The following MYH15 variants were observed in gnomAD, a reference collection of about 807,000 sequenced individuals.
The protein encoded by MYH15 is myosin heavy chain 15.
MYH15 carries 227 observed loss-of-function variants against 240.5 expected under a neutral mutation model. The observed-to-expected ratio is 0.94, with a 90% CI of 0.85 to 1.05. The LOEUF is 1.05. Among genes scored for constraint, MYH15 ranks in the 50% least tolerant of loss-of-function variants. The pLI is 0.00. For missense variants in MYH15, 2,217 were observed against 2,247.5 expected, an observed-to-expected ratio of 0.99 and a Z score of 0.27; for synonymous variants, 785 against 796.7, an observed-to-expected ratio of 0.99 and a Z score of 0.25.
At chr3:108,476,231 C>T (rs2083219011) in intron 12 of MYH15, among the ~76,000 whole-genome samples, 166 bp downstream of exon 12, 1 of 152,130 alleles carries the variant, frequency 6.6e-6, no homozygotes, top group Admixed American at 6.6e-5. Flanking sequence ...TGGTGTGCAT[C>T]ACAAGTAAAA....
chr3:108,501,958 T>C lies in MYH15; in HGVS notation c.196-103A>G, dbSNP rs1439458907. The C allele has an allele frequency of 5.4e-6, 7 of 1,292,832 alleles. No individual in the cohort carries two copies. The African/African-American group carries it at 8.8e-5, about 16-fold the overall frequency. The allele number at this position is 1,292,832 out of a possible 1,614,324, so 80.1% of individuals were successfully genotyped here. A position where few individuals can be genotyped will look rare whatever the true frequency, so the allele number is the denominator to read the frequency against. On this transcript the variant is annotated intron_variant, in intron 2 of 40. Transcript: ENST00000693548. ...ATTCAGACTCAAAAAGAAAAAATGA[T>C]GCCTCATTAGGGGATGGGGCCAGAA...
chr3:108,550,245 C>T, the MYH15 span: 1 of 151,348 alleles, frequency 6.6e-6, no homozygotes, highest in Non-Finnish European at 1.5e-5. Flanking sequence ...TTAACCTATG[C>T]TTTAAAATTA....
chr3:108,421,192 G>A lies in MYH15; in HGVS notation c.3725C>T (p.Thr1242Ile). The A allele has an allele frequency of 6.2e-7, 1 of 1,613,344 alleles. No homozygotes were observed. The stretch of plus-strand genomic sequence containing the variant: ...TTCATGCAAGCGCTCTTCATATAGA[G>A]TACAGAGTTTCTCAGCATTTGCCTA... ...RAKANAEKLC[T>I]LYEERLHEAT... The change falls in exon 28 of 41, where the codon ACT (threonine) becomes ATT (isoleucine). Residue 1242 changes from threonine (T) to isoleucine (I), a missense_variant. By Grantham distance (89) the Thr-to-Ile change is moderately conservative (BLOSUM62 -1). Coordinates refer to ENST00000693548, the MANE Select transcript of MYH15 (RefSeq NM_014981.3).
chr3:108,512,545 T>C (rs969424140), upstream of MYH15, among the ~76,000 whole-genome samples: 11 of 152,144 alleles, frequency 7.2e-5, no homozygotes, highest in Non-Finnish European at 1.3e-4. Context: ...TTAATACATG[T>C]GTGTACAAAC....
At chr3:108,427,821 A>T (rs1576227005) in intron 27 of MYH15, among the ~76,000 whole-genome samples, 1 of 152,162 alleles carries the variant, frequency 6.6e-6, no homozygotes, top group East Asian at 1.9e-4. Context: ...TTCCCAGATG[A>T]CTTTATAAAA....
chr3:108,533,077 A>G (rs1463014387), upstream of MYH15, among the ~76,000 whole-genome samples: 1 of 143,492 alleles, frequency 7.0e-6, no homozygotes, highest in East Asian at 2.1e-4. Context: ...TTGTGACTGT[A>G]CTTTCATTTG....
the MYH15 span, among the ~76,000 whole-genome samples, chr3:108,548,295 A>G: frequency 2.0e-5 from 3 of 152,194 alleles, no homozygotes; most frequent in East Asian, 3.8e-4. Flanking sequence ...AGAAAAAGAT[A>G]TATCAGGCCA....
chr3:108,410,318 G>A (rs983139458), intron 31 of MYH15, among the ~76,000 whole-genome samples: 6 of 152,154 alleles, frequency 3.9e-5, no homozygotes, highest in Non-Finnish European at 7.4e-5. Context: ...ATCTTGGTAC[G>A]GTTGTGGATA....
chr3:108,439,182 T>C (rs1267757435), intron 24 of MYH15, among the ~76,000 whole-genome samples: 1 of 152,140 alleles, frequency 6.6e-6, no homozygotes, highest in Non-Finnish European at 1.5e-5. Flanking sequence ...AACCCACACA[T>C]TGAAACTGGT....
intron 39 of MYH15, 121 bp downstream of exon 39, chr3:108,384,566 C>G (rs2082366956): frequency 1.2e-6 from 1 of 811,638 alleles, no homozygotes; most frequent in Non-Finnish European, 1.9e-6. Context: ...TGAGGATGAG[C>G]AGACTCTAAG....
chr3:108,405,559 G>C, intron 32 of MYH15, 106 bp from the exon 33 acceptor site: 1 of 576,034 alleles, frequency 1.7e-6, no homozygotes, highest in Non-Finnish European at 2.8e-6. Context: ...GAGTTACTGG[G>C]AGAGATATAG....
intron 25 of MYH15, among the ~76,000 whole-genome samples, chr3:108,433,960 G>A (rs2082803307): frequency 6.6e-6 from 1 of 151,996 alleles, no homozygotes; most frequent in Non-Finnish European, 1.5e-5. Flanking sequence ...ACATATGTTT[G>A]TGCTTACATG....
chr3:108,452,431 TG>T (rs1348510100), intron 21 of MYH15, among the ~76,000 whole-genome samples: 1 of 152,102 alleles, frequency 6.6e-6, no homozygotes, highest in African/African-American at 2.4e-5. Context: ...TTACTTTAGC[TG>T]GAAAATTGAT....
At chr3:108,468,496 T>C (rs2083141637) in intron 14 of MYH15, among the ~76,000 whole-genome samples, 1 of 152,178 alleles carries the variant, frequency 6.6e-6, no homozygotes, top group South Asian at 2.1e-4. Context: ...ACATAATGGG[T>C]CTTTTCAAAA....
chr3:108,430,821 T>A lies in MYH15; in HGVS notation c.3312+11A>T, dbSNP rs376164516. The A allele has an allele frequency of 3.8e-6, 6 of 1,597,796 alleles. No individual in the cohort carries two copies. Among genetic ancestry groups the A allele is most frequent in the Non-Finnish European group, 5.1e-6 (6 of 1,167,850 alleles). On this transcript the variant is annotated intron_variant, in intron 26 of 40. Transcript: ENST00000693548. Reference sequence around the variant, plus strand: ...AATATAAATACACAGGCATATTTGATAATTGATTACCTGAAGCTCTTTAAC... The same window carrying A: ...AATATAAATACACAGGCATATTTGAAAATTGATTACCTGAAGCTCTTTAAC...
chr3:108,537,408 T>C, the MYH15 span, among the ~76,000 whole-genome samples: 114 of 152,208 alleles, frequency 7.5e-4, no homozygotes, highest in African/African-American at 2.6e-3. Flanking sequence ...TGAAATTTAA[T>C]TGCCAATGTA....
At chr3:108,435,693 CAT>C (rs72262588) in intron 25 of MYH15, among the ~76,000 whole-genome samples, 65,579 of 143,324 alleles carry the variant, frequency 0.46, 15,241 homozygotes, top group African/African-American at 0.59. Context: ...ATTTTATATA[CAT>C]ATATATATAT....
At chr3:108,454,179 G>A in intron 20 of MYH15, 37 bp from the exon 21 acceptor site, 1 of 1,578,450 alleles carries the variant, frequency 6.3e-7, no homozygotes, top group South Asian at 1.1e-5. Context: ...CACTGATAAT[G>A]GGTATTCAGC....
At chr3:108,413,114 A>G (rs2082607020) in intron 30 of MYH15, among the ~76,000 whole-genome samples, 1 of 152,232 alleles carries the variant, frequency 6.6e-6, no homozygotes, top group Admixed American at 6.5e-5. Flanking sequence ...ACAGAATGAT[A>G]GATAGGCAAT....
Sources: gnomAD v4.1 joint callset for allele counts (sites outside exome capture counted in the v4.1 genomes callset) on GRCh38, gnomAD v4.1.1 for gene constraint, MANE v1.5 for transcripts, NCBI Gene and HGNC (gene_info 2026-07-23, HGNC 2026-07-21) for gene names.